The following EPC1 variants were observed in gnomAD, a reference collection of about 807,000 sequenced individuals.
The protein encoded by EPC1 is enhancer of polycomb 1.
EPC1 carries 12 observed loss-of-function variants against 98.4 expected under a neutral mutation model. The observed-to-expected ratio is 0.12, with a 90% CI of 0.08 to 0.20. The LOEUF is 0.20. Among genes scored for constraint, EPC1 ranks in the 10% least tolerant of loss-of-function variants. The probability of loss-of-function intolerance (pLI) is 1.00; values close to 1 mark genes in which losing one functional copy is unlikely to be tolerated. For missense variants in EPC1, 729 were observed against 990.5 expected (o/e 0.74, Z 3.54); for synonymous variants, 357 against 363.9 (o/e 0.98, Z 0.21).
At chr10:32,332,979 G>C (rs1274973862) in intron 1 of EPC1, among the ~76,000 whole-genome samples, 1 of 152,172 alleles carries the variant, frequency 6.6e-6, no homozygotes, top group Non-Finnish European at 1.5e-5. Flanking sequence ...TTGGAAACTA[G>C]AAGAGGAGGT....
chr10:32,353,117 T>C (rs1839171805), intron 1 of EPC1, among the ~76,000 whole-genome samples: 1 of 147,860 alleles, frequency 6.8e-6, no homozygotes. Context: ...ATCGCGCCAT[T>C]GCACTCCAAC....
At chr10:32,342,080 A>G (rs1252059874) in intron 1 of EPC1, among the ~76,000 whole-genome samples, 1 of 151,778 alleles carries the variant, frequency 6.6e-6, no homozygotes. Flanking sequence ...ATTCTCTTTG[A>G]TTTTATCTGA....
chr10:32,267,956 A>G lies in EPC1; in HGVS notation c.*1107T>C, dbSNP rs755928665. The G allele has an allele frequency of 6.6e-6, 1 of 152,214 alleles. No homozygotes were observed. The highest frequency in any genetic ancestry group is 1.5e-5 in the Non-Finnish European group (1 of 68,048). 9.4% of individuals were successfully genotyped at this position (152,214 alleles called of 1,614,324 possible). On this transcript the variant is annotated 3_prime_UTR_variant, in exon 14 of 14. Transcript: ENST00000319778. ...AAATATTTCCAAAGGAAGGCACCCG[A>G]TATTTGTGGTTCTGGCCTTGCAGCC...
intron 1 of EPC1, among the ~76,000 whole-genome samples, chr10:32,372,258 G>C (rs1839770538): frequency 6.6e-6 from 1 of 152,118 alleles, no homozygotes; most frequent in Non-Finnish European, 1.5e-5. Context: ...AAGCCCTCCA[G>C]GTGATTCTAG....
At chr10:32,322,178 G>A (rs1346325045) in intron 1 of EPC1, among the ~76,000 whole-genome samples, 2 of 151,140 alleles carry the variant, frequency 1.3e-5, no homozygotes, top group African/African-American at 2.4e-5. Context: ...AGCCTTACAT[G>A]TATCGCAGTT....
At chr10:32,351,585 G>A (rs933177548), upstream of EPC1, among the ~76,000 whole-genome samples, 1 of 151,752 alleles carries the variant, frequency 6.6e-6, no homozygotes. Context: ...TTTAACCCGG[G>A]AGGTGGAGGT....
intron 1 of EPC1, among the ~76,000 whole-genome samples, chr10:32,336,338 G>A (rs890966793): frequency 1.3e-5 from 2 of 152,104 alleles, no homozygotes; most frequent in African/African-American, 4.8e-5. Context: ...AAAGTGCTGG[G>A]ATTACAGGTG....
At chr10:32,304,111 G>C (rs552237942) in intron 2 of EPC1, among the ~76,000 whole-genome samples, 1 of 152,198 alleles carries the variant, frequency 6.6e-6, no homozygotes, top group East Asian at 1.9e-4. Flanking sequence ...ATAATGTCAG[G>C]AGTCAATTCC....
rs1049154868 is a variant in EPC1 at position 32,286,961 on chromosome 10, C to G, written c.1207G>C (p.Ala403Pro). Reference protein sequence around the residue: ...EEDNDPDGPFAFRRKAGCQYY... With the variant: ...EEDNDPDGPFPFRRKAGCQYY... ...TGACAGCCTGCTTTCCTACGGAAAGCAAAAGGACCATCAGGATCATTGTCT... is the reference window on the plus strand; with the variant it reads ...TGACAGCCTGCTTTCCTACGGAAAGGAAAAGGACCATCAGGATCATTGTCT... Residue 403 changes from alanine (A) to proline (P), a missense_variant, in exon 8 of 14, where the codon GCT (alanine) becomes CCT (proline). By Grantham distance (27) the Ala-to-Pro change is conservative (BLOSUM62 -1). Around this residue, in one of 6 missense-constraint regions of EPC1, gnomAD observed 390 missense variants for 438.6 expected, o/e 0.89. Transcript: ENST00000319778. 6.2e-7 allele frequency: 1 copy of G among 1,613,868 alleles called. No individual in the cohort carries two copies.
At position 32,347,100 on chromosome 10, in the gene EPC1, TCTCGCTCG is replaced by T; in HGVS notation, c.-193_-186del. ...GGGAGGCTGTGCCGCTCCGCTCCTC[TCTCGCTCG>T]CTCTCTTCAATACGCCATGGCCAAC... On this transcript the variant is annotated 5_prime_UTR_variant, in exon 1 of 14. Transcript: ENST00000319778. 6.9e-7 allele frequency: 1 copy of T among 1,440,892 alleles called. No homozygotes were observed. The highest frequency in any genetic ancestry group is 2.5e-5 in the East Asian group (1 of 40,094). The allele number at this position is 1,440,892 out of a possible 1,614,324, so 89.3% of individuals were successfully genotyped here. A position where few individuals can be genotyped will look rare whatever the true frequency, so the allele number is the denominator to read the frequency against.
intron 1 of EPC1, among the ~76,000 whole-genome samples, chr10:32,370,348 C>T (rs1245474224): frequency 1.3e-5 from 2 of 152,180 alleles, no homozygotes; most frequent in Non-Finnish European, 2.9e-5. Flanking sequence ...GGCTAGTCTA[C>T]AAAAACCTCC....
chr10:32,344,786 CAGAAA>C (rs150805152), intron 1 of EPC1, among the ~76,000 whole-genome samples: 3 of 151,910 alleles, frequency 2.0e-5, no homozygotes, highest in African/African-American at 4.9e-5. Context: ...GACTCCATCT[CAGAAA>C]AGAAAAGAAG....
intron 2 of EPC1, among the ~76,000 whole-genome samples, chr10:32,297,792 GATTATT>G (rs113992440): frequency 2.0e-5 from 3 of 151,124 alleles, no homozygotes; most frequent in East Asian, 3.9e-4. Flanking sequence ...ACATTGAATA[GATTATT>G]ATTATTATTA....
upstream of EPC1, among the ~76,000 whole-genome samples, chr10:32,348,313 T>C (rs572551066): frequency 2.0e-5 from 3 of 152,190 alleles, no homozygotes; most frequent in Admixed American, 6.5e-5. Context: ...GTTTAATAAA[T>C]TGGCAGCCAA....
chr10:32,357,030 C>A (rs1193865796), intron 1 of EPC1, among the ~76,000 whole-genome samples: 1 of 152,072 alleles, frequency 6.6e-6, no homozygotes, highest in Non-Finnish European at 1.5e-5. Flanking sequence ...AAAGTGATTT[C>A]CCAGTACCCT....
At chr10:32,345,277 T>C (rs1259091658) in intron 1 of EPC1, 1 of 985,446 alleles carries the variant, frequency 1.0e-6, no homozygotes, top group Non-Finnish European at 1.2e-6. Flanking sequence ...AGCTACTACA[T>C]ACACTTGGCT....
At chr10:32,376,980 C>T (rs1416030683) in intron 1 of EPC1, 1 of 152,102 alleles carries the variant, frequency 6.6e-6, no homozygotes, top group Non-Finnish European at 1.5e-5. Flanking sequence ...ACCAGTAAAA[C>T]CTATGTCAGA....
intron 1 of EPC1, among the ~76,000 whole-genome samples, chr10:32,360,266 A>G (rs1416164095): frequency 6.6e-6 from 1 of 152,156 alleles, no homozygotes; most frequent in African/African-American, 2.4e-5. Context: ...GTAGTTTTGT[A>G]TCATGTATAT....
intron 2 of EPC1, among the ~76,000 whole-genome samples, chr10:32,294,873 G>C (rs1197383967): frequency 6.6e-6 from 1 of 151,788 alleles, no homozygotes; most frequent in Non-Finnish European, 1.5e-5. Context: ...TTATGATCTA[G>C]TAACATCAGA....
Sources: gnomAD v4.1 joint callset for allele counts (sites outside exome capture counted in the v4.1 genomes callset) on GRCh38, gnomAD v4.1.1 for gene constraint, gnomAD v4.1.1 regional missense constraint, MANE v1.5 for transcripts, NCBI Gene and HGNC (gene_info 2026-07-23, HGNC 2026-07-21) for gene names.